The following TFAP2A variants were observed in gnomAD, a reference collection of about 807,000 sequenced individuals.
TFAP2A encodes transcription factor AP-2 alpha, also known as transcription factor AP-2-alpha.
Under a neutral mutation model 41.5 loss-of-function variants are expected in TFAP2A, and 7 were observed. That is an observed-to-expected ratio of 0.17 (90% confidence interval 0.10 to 0.32). The LOEUF (loss-of-function observed/expected upper bound fraction) is 0.32, where lower values mean the gene tolerates loss of function less well. TFAP2A is among the 10% of genes least tolerant of loss of function. The pLI, the probability that TFAP2A is intolerant of heterozygous loss-of-function variation, is 1.00. For missense variants in TFAP2A, 416 were observed against 563.3 expected (o/e 0.74, Z 2.65); for synonymous variants, 247 against 242.8 (o/e 1.02, Z -0.16).
chr6:10,404,100 G>C (rs1183808816), intron 4 of TFAP2A, among the ~76,000 whole-genome samples: 1 of 152,248 alleles, frequency 6.6e-6, no homozygotes, highest in East Asian at 1.9e-4. Context: ...AGGAGCCTGA[G>C]AGGAACTTTT....
rs1761849119 is a variant in TFAP2A at position 10,398,086 on chromosome 6, A to G, written c.*331T>C. On this transcript the variant is annotated 3_prime_UTR_variant, in exon 7 of 7. Transcript: ENST00000379613. This position sits in a 1 kb window ranked among gnomAD's most constrained non-coding sequence, Gnocchi z 5.3. ...GTTGTTGATTTGTTGTTTTGTTTAAAAAAAAAAGGGTTCACAAACTTGGCA... is the reference window on the plus strand; with the variant it reads ...GTTGTTGATTTGTTGTTTTGTTTAAGAAAAAAAGGGTTCACAAACTTGGCA... The G allele has an allele frequency of 8.4e-7, 1 of 1,191,908 alleles. No individual in the cohort carries two copies. Among genetic ancestry groups the G allele is most frequent in the Non-Finnish European group, 1.0e-6 (1 of 959,576 alleles). The allele number at this position is 1,191,908 out of a possible 1,614,324, so 73.8% of individuals were successfully genotyped here. A position where few individuals can be genotyped will look rare whatever the true frequency, so the allele number is the denominator to read the frequency against.
intron 2 of TFAP2A, 176 bp downstream of exon 2, chr6:10,409,725 A>T (rs1581268703): frequency 1.4e-6 from 1 of 726,652 alleles, no homozygotes; most frequent in Non-Finnish European, 2.3e-6. Context: ...TAGAACTCGC[A>T]ACTACTTTGT....
chr6:10,403,931 G>A (rs1757543050), intron 4 of TFAP2A, among the ~76,000 whole-genome samples: 1 of 152,198 alleles, frequency 6.6e-6, no homozygotes, highest in African/African-American at 2.4e-5. Flanking sequence ...AACGCCTATA[G>A]TATGGGGGTC....
intron 1 of TFAP2A, chr6:10,411,662 C>T (rs1409024769): frequency 6.2e-7 from 1 of 1,610,276 alleles, no homozygotes; most frequent in Non-Finnish European, 8.5e-7. Context: ...CGCCCGGCTG[C>T]CCCGCCGCCC....
upstream of TFAP2A, chr6:10,415,434 C>A (rs1581277559): frequency 5.6e-6 from 2 of 357,280 alleles, no homozygotes; most frequent in Admixed American, 4.3e-5. Flanking sequence ...CTCCAGCCTG[C>A]GAACTGATAA....
chr6:10,404,184 T>C (rs1471981079), intron 4 of TFAP2A, among the ~76,000 whole-genome samples: 1 of 152,166 alleles, frequency 6.6e-6, no homozygotes, highest in African/African-American at 2.4e-5. Flanking sequence ...TGGCCGGGAT[T>C]GAGCCCGCGG....
chr6:10,408,680 C>T (rs899567660), intron 2 of TFAP2A, among the ~76,000 whole-genome samples: 3 of 152,228 alleles, frequency 2.0e-5, no homozygotes, highest in African/African-American at 4.8e-5. Context: ...CAAGTGCCCA[C>T]TTTCCTGCCT....
chr6:10,408,395 G>C (rs1243954074), intron 2 of TFAP2A, among the ~76,000 whole-genome samples: 2 of 152,176 alleles, frequency 1.3e-5, no homozygotes, highest in South Asian at 2.1e-4. Flanking sequence ...TTTTTGCAAA[G>C]TAGAGCAATT....
upstream of TFAP2A, chr6:10,416,466 G>A (rs1235527905): frequency 5.9e-5 from 9 of 151,606 alleles, no homozygotes; most frequent in African/African-American, 1.9e-4. Context: ...GTGACACTAG[G>A]AAATACAGAG....
chr6:10,412,310 A>T (rs1180280281), intron 1 of TFAP2A: 1 of 984,994 alleles, frequency 1.0e-6, no homozygotes, highest in Admixed American at 6.2e-5. Context: ...AAAGTGAAAG[A>T]GAAAGAGGCA....
In TFAP2A at chr6:10,414,951, T is replaced by A; in HGVS notation, c.41A>T (p.Glu14Val). 1 of 1,613,970 alleles carries A rather than the reference T, an allele frequency of 6.2e-7. No homozygotes were observed. ...CGGCGTCGCGCTTACCTCGCAGTCC[T>A]CGTACTTGATATTATCCGTCAATTT... ...LWKLTDNIKY[E>V]DCEDRHDGTS... Residue 14 changes from glutamate (E) to valine (V), a missense_variant, in exon 1 of 7, where the codon GAG becomes GTG. Around this residue, in one of 3 missense-constraint regions of TFAP2A, gnomAD observed 241 missense variants for 274.1 expected, o/e 0.88. Coordinates refer to ENST00000379613, the MANE Select transcript of TFAP2A (RefSeq NM_001372066.1).
intron 2 of TFAP2A, among the ~76,000 whole-genome samples, chr6:10,408,310 T>C (rs1310494361): frequency 6.6e-6 from 1 of 152,216 alleles, no homozygotes; most frequent in Non-Finnish European, 1.5e-5. Context: ...TTGTTTAATC[T>C]TTTAGTTAGT....
chr6:10,417,540 G>A (rs1758291819), upstream of TFAP2A, among the ~76,000 whole-genome samples: 1 of 152,260 alleles, frequency 6.6e-6, no homozygotes, highest in South Asian at 2.1e-4. Context: ...CCCCGGGACA[G>A]CAGCGCCAGG....
chr6:10,399,605 C>T (rs970828848), intron 6 of TFAP2A, among the ~76,000 whole-genome samples: 1 of 152,202 alleles, frequency 6.6e-6, no homozygotes, highest in Non-Finnish European at 1.5e-5. Flanking sequence ...GGAGCCTGGG[C>T]TGGCTCCCTT....
At chr6:10,410,374 C>T (rs1181458200) in intron 1 of TFAP2A, 39 bp from the exon 2 acceptor site, 2 of 1,565,746 alleles carry the variant, frequency 1.3e-6, no homozygotes, top group South Asian at 1.1e-5. Flanking sequence ...AACAAGGAAT[C>T]AGGCGTCGAG....
intron 1 of TFAP2A, chr6:10,411,714 C>T: frequency 6.4e-7 from 1 of 1,560,944 alleles, no homozygotes; most frequent in Non-Finnish European, 8.7e-7. Flanking sequence ...CCCGCGCCAC[C>T]CAGGACTCCA....
At chr6:10,402,758 A>C (rs1427757275) in intron 4 of TFAP2A, 148 bp from the exon 5 acceptor site, 2 of 688,902 alleles carry the variant, frequency 2.9e-6, no homozygotes, top group Non-Finnish European at 5.2e-6. Flanking sequence ...AAACCTAGGA[A>C]TAGTACAGAA....
At position 10,397,631 on chromosome 6, in the gene TFAP2A, TAAACAAGAGGTAAAC is replaced by T. The variant is rs1761816810; in HGVS notation, c.*771_*785del. On this transcript the variant is annotated 3_prime_UTR_variant, in exon 7 of 7. Coordinates refer to ENST00000379613, the MANE Select transcript of TFAP2A (RefSeq NM_001372066.1). The stretch of plus-strand genomic sequence containing the variant: ...CTAATAGGGAAGATTCAAAACCCAC[TAAACAAGAGGTAAAC>T]AAGATCAGATAAATAAAAAAAAAAA... 1 of 153,830 alleles carries T rather than the reference TAAACAAGAGGTAAAC, an allele frequency of 6.5e-6. No homozygotes were observed. The allele number at this position is 153,830 out of a possible 1,614,324, so 9.5% of individuals were successfully genotyped here. A position where few individuals can be genotyped will look rare whatever the true frequency, so the allele number is the denominator to read the frequency against.
chr6:10,417,753 C>T (rs893499005), upstream of TFAP2A, among the ~76,000 whole-genome samples: 3 of 152,226 alleles, frequency 2.0e-5, no homozygotes, highest in African/African-American at 4.8e-5. Flanking sequence ...TTCGGCCCCT[C>T]CGGGCCCCAA....
Sources: gnomAD v4.1 joint callset for allele counts (sites outside exome capture counted in the v4.1 genomes callset) on GRCh38, gnomAD v4.1.1 for gene constraint, gnomAD v4.1.1 regional missense constraint, Gnocchi (gnomAD v3.1) non-coding constraint, MANE v1.5 for transcripts, NCBI Gene and HGNC (gene_info 2026-07-23, HGNC 2026-07-21) for gene names.